EFNA5: variants seen among roughly 807,000 people sequenced by gnomAD.
EFNA5 encodes the protein ephrin-A5.
A neutral mutation model predicts 22.9 loss-of-function variants in EFNA5; 5 were observed. The ratio of observed to expected loss-of-function variants is 0.22; its 90% CI spans 0.11 to 0.46. The LOEUF is 0.46. Ranked by LOEUF, EFNA5 falls within the 20% of genes least tolerant of loss-of-function variation. The pLI, the probability that EFNA5 is intolerant of heterozygous loss-of-function variation, is 0.99. For missense variants in EFNA5, 237 were observed against 293.3 expected, an observed-to-expected ratio of 0.81 and a Z score of 1.40; for synonymous variants, 113 against 112.2, an observed-to-expected ratio of 1.01 and a Z score of -0.04.
intron 1 of EFNA5, among the ~76,000 whole-genome samples, chr5:107,505,097 G>C (rs549442283): frequency 3.8e-4 from 58 of 152,080 alleles, no homozygotes; most frequent in African/African-American, 1.3e-3. Flanking sequence ...CAAAAACTTG[G>C]CAATGATCTC....
At position 107,387,275 on chromosome 5, in the gene EFNA5, G is replaced by A. The variant is rs750182897; in HGVS notation, c.525C>T (p.Phe175=). ...AATTTTCTACTTTGTCGTTAACATC[G>A]AAAACACGATCATGAACACCTATAG... ...MKTIGVHDRV[F]DVNDKVENSL... Residue 175 remains phenylalanine (F), a synonymous_variant, in exon 4 of 5, where the codon TTC becomes TTT. Coordinates refer to ENST00000333274, the MANE Select transcript of EFNA5 (RefSeq NM_001962.3). 10 of 1,604,140 alleles carry A rather than the reference G, an allele frequency of 6.2e-6. No homozygotes were observed. Among genetic ancestry groups the A allele is most frequent in the South Asian group, 3.3e-5 (3 of 89,612 alleles).
chr5:107,670,689 C>T lies in EFNA5; in HGVS notation c.-76G>A. On this transcript the variant is annotated 5_prime_UTR_variant, in exon 1 of 5. Coordinates refer to ENST00000333274, the MANE Select transcript of EFNA5 (RefSeq NM_001962.3). Reference sequence around the variant, plus strand: ...GGGGATCCGGAGGGAGGGAGGCAGGCAAAGGGACAGAGAGAGAGCGGGCGC... The same window carrying T: ...GGGGATCCGGAGGGAGGGAGGCAGGTAAAGGGACAGAGAGAGAGCGGGCGC... 1 of 1,550,028 alleles carries T rather than the reference C, an allele frequency of 6.5e-7. No individual in the cohort carries two copies.
chr5:107,640,166 T>C (rs1750471782), intron 1 of EFNA5, among the ~76,000 whole-genome samples: 1 of 152,194 alleles, frequency 6.6e-6, no homozygotes, highest in African/African-American at 2.4e-5. Flanking sequence ...CCAGACACAC[T>C]GGGTAACGGA....
chr5:107,476,057 T>TGTATACATATATA, intron 1 of EFNA5, among the ~76,000 whole-genome samples: 1 of 100,432 alleles, frequency 1.0e-5, no homozygotes, highest in African/African-American at 5.0e-5. Context: ...TATATATATA[T>TGTATACATATATA]TTTTTTTTTT....
At chr5:107,446,063 T>C (rs973333794) in intron 1 of EFNA5, among the ~76,000 whole-genome samples, 9 of 152,190 alleles carry the variant, frequency 5.9e-5, no homozygotes, top group African/African-American at 9.6e-5. Flanking sequence ...ACTAACTGTG[T>C]AATCTTGGCA....
At chr5:107,564,647 T>G (rs1167432850) in intron 1 of EFNA5, among the ~76,000 whole-genome samples, 1 of 150,960 alleles carries the variant, frequency 6.6e-6, no homozygotes. Context: ...TTTTTTTTTT[T>G]TTTTGATCCT....
At chr5:107,482,826 GTCTCTGTCTCTCTCTCTCTC>G (rs1750512046) in intron 1 of EFNA5, among the ~76,000 whole-genome samples, 9 of 65,028 alleles carry the variant, frequency 1.4e-4, no homozygotes, top group African/African-American at 3.0e-4. Flanking sequence ...CTCTCTCTCT[GTCTCTGTCTCTCTCTCTCTC>G]TCTCTCTCTC....
intron 1 of EFNA5, among the ~76,000 whole-genome samples, chr5:107,509,737 G>A (rs181652571): frequency 2.6e-5 from 4 of 152,212 alleles, no homozygotes; most frequent in African/African-American, 9.6e-5. Context: ...CGGCCTTCAC[G>A]AGGGCAGAAA....
rs1046099720 is a variant in EFNA5 at position 107,376,966 on chromosome 5, G to A, written c.*4289C>T. 10 of 151,060 alleles carry A rather than the reference G, an allele frequency of 6.6e-5. No individual in the cohort carries two copies. Among genetic ancestry groups the A allele is most frequent in the African/African-American group, 1.7e-4 (7 of 41,096 alleles). 9.4% of individuals were successfully genotyped at this position (151,060 alleles called of 1,614,324 possible). A position where few individuals can be genotyped will look rare whatever the true frequency, so the allele number is the denominator to read the frequency against. On this transcript the variant is annotated 3_prime_UTR_variant, in exon 5 of 5. Transcript: ENST00000333274. The stretch of plus-strand genomic sequence containing the variant: ...ACACGTGTATATACAAATACAGATC[G>A]TATGGGTTTGTTTGTGTGTGGGTTT...
At chr5:107,493,514 G>C (rs1442953139) in intron 1 of EFNA5, among the ~76,000 whole-genome samples, 1 of 152,144 alleles carries the variant, frequency 6.6e-6, no homozygotes, top group Non-Finnish European at 1.5e-5. Flanking sequence ...TGGCTCCAAT[G>C]CCTAAATTCC....
intron 2 of EFNA5, among the ~76,000 whole-genome samples, chr5:107,426,466 C>T (rs900394854): frequency 6.6e-6 from 1 of 152,202 alleles, no homozygotes; most frequent in Admixed American, 6.5e-5. Context: ...CCAGATAACA[C>T]TATGCACGGT....
chr5:107,402,378 T>C (rs1748109606), intron 2 of EFNA5, among the ~76,000 whole-genome samples: 1 of 152,186 alleles, frequency 6.6e-6, no homozygotes, highest in African/African-American at 2.4e-5. Flanking sequence ...ATCATGCAGG[T>C]AAATATGATT....
chr5:107,421,094 A>C (rs984900064), intron 2 of EFNA5, among the ~76,000 whole-genome samples: 4 of 152,178 alleles, frequency 2.6e-5, no homozygotes, highest in African/African-American at 9.6e-5. Context: ...GCTGATCTTG[A>C]TCATTTTAAT....
chr5:107,452,637 G>C (rs1490383711), intron 1 of EFNA5, among the ~76,000 whole-genome samples: 2 of 152,142 alleles, frequency 1.3e-5, no homozygotes, highest in African/African-American at 2.4e-5. Context: ...TGAGGTGGGA[G>C]GACTGCTTGA....
intron 1 of EFNA5, among the ~76,000 whole-genome samples, chr5:107,606,224 AACTGTGGTATTATT>A (rs1253639257): frequency 6.6e-6 from 1 of 152,086 alleles, no homozygotes; most frequent in Non-Finnish European, 1.5e-5. Context: ...TCCTTTCCCA[AACTGTGGTATTATT>A]ACCTGTAACA....
At chr5:107,503,626 C>A (rs1195742251) in intron 1 of EFNA5, among the ~76,000 whole-genome samples, 1 of 152,170 alleles carries the variant, frequency 6.6e-6, no homozygotes, top group East Asian at 1.9e-4. Flanking sequence ...ACACAAATCA[C>A]TGTATCATGA....
intron 1 of EFNA5, among the ~76,000 whole-genome samples, chr5:107,517,707 A>G (rs1747511725): frequency 6.6e-6 from 1 of 152,238 alleles, no homozygotes; most frequent in African/African-American, 2.4e-5. Flanking sequence ...GTACGGTTAT[A>G]TTATGCAATG....
chr5:107,599,674 A>C (rs978050242), intron 1 of EFNA5, among the ~76,000 whole-genome samples: 8 of 152,256 alleles, frequency 5.3e-5, no homozygotes, highest in Non-Finnish European at 1.2e-4. Flanking sequence ...GCAGTCTAGA[A>C]AGATTTGTTA....
intron 2 of EFNA5, among the ~76,000 whole-genome samples, chr5:107,403,503 G>A (rs1748136975): frequency 6.6e-6 from 1 of 152,156 alleles, no homozygotes; most frequent in Non-Finnish European, 1.5e-5. Context: ...ACCCGTTGCA[G>A]GCAAACATAA....
Sources: gnomAD v4.1 joint callset for allele counts (sites outside exome capture counted in the v4.1 genomes callset) on GRCh38, gnomAD v4.1.1 for gene constraint, MANE v1.5 for transcripts, NCBI Gene and HGNC (gene_info 2026-07-23, HGNC 2026-07-21) for gene names.